Variants in WNT7B observed in about 807,000 individuals in gnomAD.
WNT7B encodes Wnt family member 7B, also known as protein Wnt-7b.
Under a neutral mutation model 38.2 loss-of-function variants are expected in WNT7B, and 19 were observed. That is an observed-to-expected ratio of 0.50 (90% CI 0.35 to 0.73). The LOEUF (loss-of-function observed/expected upper bound fraction) is 0.73. Among genes scored for constraint, WNT7B ranks in the 30% least tolerant of loss-of-function variants. The pLI is 0.01. For missense variants in WNT7B, 423 were observed against 507.9 expected, an observed-to-expected ratio of 0.83 and a Z score of 1.61; for synonymous variants, 243 against 209.3, an observed-to-expected ratio of 1.16 and a Z score of -1.39.
intron 1 of WNT7B, among the ~76,000 whole-genome samples, chr22:45,973,487 C>T (rs1045449266): frequency 4.6e-5 from 7 of 152,202 alleles, no homozygotes; most frequent in Admixed American, 1.3e-4. Context: ...ACCTTCATCC[C>T]CCCTAGTCCA....
At chr22:45,948,048 G>A (rs374432713) in intron 2 of WNT7B, among the ~76,000 whole-genome samples, 3 of 152,212 alleles carry the variant, frequency 2.0e-5, no homozygotes, top group East Asian at 1.9e-4. Context: ...GCAGCAGGAC[G>A]ATTTCCACGT....
chr22:45,927,522 T>C (rs1177310220), intron 3 of WNT7B: 2 of 1,533,044 alleles, frequency 1.3e-6, no homozygotes, highest in African/African-American at 2.8e-5. Flanking sequence ...CCTTTACAGA[T>C]GTGGTCAAGG....
chr22:45,957,601 T>G lies in WNT7B; in HGVS notation c.72-7455A>C, dbSNP rs755190422. Among the ~76,000 whole-genome samples, 64 of 137,102 alleles carry G rather than the reference T, an allele frequency of 4.7e-4. 1 individual carries two copies. Among genetic ancestry groups the G allele is most frequent in the Non-Finnish European group, 8.8e-4 (58 of 66,052 alleles). 89.9% of individuals were successfully genotyped at this position (137,102 alleles called of 152,430 possible). A position where few individuals can be genotyped will look rare whatever the true frequency, so the allele number is the denominator to read the frequency against. On this transcript the variant is annotated intron_variant, in intron 1 of 3. Transcript: ENST00000339464. ...TGGGAGGCTGAGGAAGGAGAATTGC[T>G]TGAACCAGGAGGCGAAAGTTGCAGT...
chr22:45,949,995 A>G lies in WNT7B; in HGVS notation c.223T>C (p.Tyr75His). 1 of 1,613,960 alleles carries G rather than the reference A, an allele frequency of 6.2e-7. No individual in the cohort carries two copies. Among genetic ancestry groups the G allele is most frequent in the Non-Finnish European group, 8.5e-7 (1 of 1,180,030 alleles). Residue 75 changes from tyrosine (Y) to histidine (H), a missense_variant, in exon 2 of 4, where the codon TAC (tyrosine) becomes CAC (histidine). Coordinates refer to ENST00000339464, the MANE Select transcript of WNT7B (RefSeq NM_058238.3). ...GAQMGINECQ[Y>H]QFRFGRWNCS... ...TTCCAGCGTCCGAAGCGGAACTGGT[A>G]CTGGCACTCGTTGATGCCCATCTGC...
intron 2 of WNT7B, among the ~76,000 whole-genome samples, chr22:45,936,958 T>C (rs1410828210): frequency 6.6e-6 from 1 of 152,200 alleles, no homozygotes; most frequent in East Asian, 1.9e-4. Flanking sequence ...TCCCTGCCAC[T>C]TCCTAGCGTC....
At chr22:45,947,758 TGAG>T (rs1931831669) in intron 2 of WNT7B, among the ~76,000 whole-genome samples, 1 of 151,972 alleles carries the variant, frequency 6.6e-6, no homozygotes. Flanking sequence ...GGGTGTGAGG[TGAG>T]GATGGTGGGT....
At chr22:45,928,817 A>C (rs533537623) in intron 3 of WNT7B, among the ~76,000 whole-genome samples, 1 of 152,182 alleles carries the variant, frequency 6.6e-6, no homozygotes, top group African/African-American at 2.4e-5. Flanking sequence ...AGAGACCAAC[A>C]CCACCCTACC....
At chr22:45,974,585 G>T (rs1932514804) in intron 1 of WNT7B, among the ~76,000 whole-genome samples, 1 of 152,166 alleles carries the variant, frequency 6.6e-6, no homozygotes, top group Non-Finnish European at 1.5e-5. Context: ...CCAGGAGGTG[G>T]GTGGGGAGTG....
At chr22:45,963,054 C>G (rs1000930834) in intron 1 of WNT7B, among the ~76,000 whole-genome samples, 3 of 152,140 alleles carry the variant, frequency 2.0e-5, no homozygotes, top group Non-Finnish European at 4.4e-5. Flanking sequence ...GCTGAGCTCC[C>G]GGCCCTGGGA....
Position 45,975,891 on chromosome 22 carries a change from G to C in WNT7B, c.71+793C>G. The C allele has an allele frequency of 4.8e-6, 1 of 208,916 alleles. No homozygotes were observed. Among genetic ancestry groups the C allele is most frequent in the Non-Finnish European group, 9.4e-6 (1 of 106,324 alleles). 12.9% of individuals were successfully genotyped at this position (208,916 alleles called of 1,614,324 possible). A position where few individuals can be genotyped will look rare whatever the true frequency, so the allele number is the denominator to read the frequency against. On this transcript the variant is annotated intron_variant, in intron 1 of 3. Coordinates refer to ENST00000339464, the MANE Select transcript of WNT7B (RefSeq NM_058238.3). The surrounding 1 kb of genome is among the most constrained non-coding windows in gnomAD (Gnocchi z 6.6). ...TTCGAGCGAAGCCGAGACAGATTCT[G>C]TCTAAAGGAGATCGCGGCTCAACAG...
At chr22:45,943,470 C>T (rs995359776) in intron 2 of WNT7B, among the ~76,000 whole-genome samples, 12 of 152,224 alleles carry the variant, frequency 7.9e-5, no homozygotes, top group Non-Finnish European at 1.6e-4. Context: ...TTTCCCCAGC[C>T]CTGAGGTGCT....
intron 2 of WNT7B, among the ~76,000 whole-genome samples, chr22:45,948,733 T>C (rs182508027): frequency 2.7e-4 from 41 of 150,036 alleles, no homozygotes; most frequent in Non-Finnish European, 4.7e-4. Flanking sequence ...GGAGCTCACA[T>C]CACCAGTGGG....
chr22:45,972,116 G>GGGGGGCCCCCCCCCCCCCCCCCCC, intron 1 of WNT7B: 3 of 530,730 alleles, frequency 5.7e-6, no homozygotes, highest in African/African-American at 2.1e-5. Context: ...CCCGGGGGGA[G>GGGGGGCCCCCCCCCCCCCCCCCCC]CCCACCCGCC....
chr22:45,958,099 C>A (rs961521260), intron 1 of WNT7B, among the ~76,000 whole-genome samples: 1 of 152,160 alleles, frequency 6.6e-6, no homozygotes, highest in Non-Finnish European at 1.5e-5. Flanking sequence ...GGCACTCAGG[C>A]GGTGGACAGA....
chr22:45,943,113 G>T (rs1403262055), intron 2 of WNT7B, among the ~76,000 whole-genome samples: 1 of 152,184 alleles, frequency 6.6e-6, no homozygotes, highest in African/African-American at 2.4e-5. Context: ...GTGCATGTGT[G>T]TGTGTGCCAG....
At position 45,973,262 on chromosome 22, in the gene WNT7B, C is replaced by T. The variant is rs1932489978; in HGVS notation, c.71+3422G>A. 2.6e-5 allele frequency among the ~76,000 whole-genome samples: 4 copies of T among 152,214 alleles called. 1 individual carries two copies. The South Asian group carries it at 8.3e-4, about 32-fold the overall frequency. ...GAGTTCCTTTTATTTTTTGTTTAAG[C>T]CCAGAAACATAGGTCTAGTGTCCCA... is the stretch of plus-strand genomic sequence containing the variant. On this transcript the variant is annotated intron_variant, in intron 1 of 3. Coordinates refer to ENST00000339464, the MANE Select transcript of WNT7B (RefSeq NM_058238.3).
intron 1 of WNT7B, among the ~76,000 whole-genome samples, chr22:45,960,287 G>C (rs1464588769): frequency 1.3e-5 from 2 of 152,146 alleles, no homozygotes; most frequent in African/African-American, 4.8e-5. Context: ...CCACTGCAGA[G>C]ACCCCTCCTT....
intron 2 of WNT7B, among the ~76,000 whole-genome samples, chr22:45,931,737 G>A (rs1219464053): frequency 6.6e-6 from 1 of 152,166 alleles, no homozygotes; most frequent in Admixed American, 6.5e-5. Context: ...GTGACTGGTG[G>A]GGACCTGTGG....
intron 3 of WNT7B, among the ~76,000 whole-genome samples, chr22:45,928,424 G>C (rs1188060614): frequency 6.6e-6 from 1 of 152,084 alleles, no homozygotes; most frequent in Non-Finnish European, 1.5e-5. Context: ...GGAGTTGGGG[G>C]ACAAAGTGCA....
Sources: gnomAD v4.1 joint callset for allele counts (sites outside exome capture counted in the v4.1 genomes callset) on GRCh38, gnomAD v4.1.1 for gene constraint, Gnocchi (gnomAD v3.1) non-coding constraint, MANE v1.5 for transcripts, NCBI Gene and HGNC (gene_info 2026-07-23, HGNC 2026-07-21) for gene names.